Variants in IL26 observed in about 807,000 individuals in gnomAD.
The protein encoded by IL26 is interleukin 26, also known as interleukin-26.
A neutral mutation model predicts 21.7 loss-of-function variants in IL26; 23 were observed. That is an observed-to-expected ratio of 1.06 (90% CI 0.76 to 1.50). The LOEUF (loss-of-function observed/expected upper bound fraction) is 1.50. Ranked by LOEUF, IL26 falls within the 40% of genes most tolerant of loss-of-function variation. The pLI is 0.00. For missense variants in IL26, 204 were observed against 196.0 expected (o/e 1.04, Z -0.24); for synonymous variants, 63 against 67.8 (o/e 0.93, Z 0.34).
intron 3 of IL26, among the ~76,000 whole-genome samples, chr12:68,209,515 G>A (rs570640176): frequency 1.3e-5 from 2 of 152,286 alleles, no homozygotes; most frequent in African/African-American, 2.4e-5. Flanking sequence ...CAGAGGCCAC[G>A]AGGGGTTTTA....
chr12:68,217,537 C>G (rs1253964722), intron 3 of IL26, among the ~76,000 whole-genome samples: 3 of 152,010 alleles, frequency 2.0e-5, no homozygotes, highest in East Asian at 3.9e-4. Flanking sequence ...TCAGAACATC[C>G]AAATAGGAGT....
At chr12:68,224,777 GAA>G (rs1311502136) in intron 3 of IL26, among the ~76,000 whole-genome samples, 2 of 134,278 alleles carry the variant, frequency 1.5e-5, no homozygotes, top group Non-Finnish European at 3.6e-5. Flanking sequence ...GGAAGGGAGA[GAA>G]AGAGAGACTT....
rs751294338 is a variant in IL26, at chr12:68,225,790, A to G, written c.-34T>C. 1 of 1,608,402 alleles carries G rather than the reference A, an allele frequency of 6.2e-7. No homozygotes were observed. The highest frequency in any genetic ancestry group is 8.5e-7 in the Non-Finnish European group (1 of 1,176,546). On this transcript the variant is annotated 5_prime_UTR_variant, in exon 1 of 5. Transcript: ENST00000229134. Reference sequence around the variant, plus strand: ...ACCCCACTCAGCGTGTGTCACTCACAGCAGCCCAAGAGATACTAATGCCGG... The same window carrying G: ...ACCCCACTCAGCGTGTGTCACTCACGGCAGCCCAAGAGATACTAATGCCGG...
intron 3 of IL26, among the ~76,000 whole-genome samples, chr12:68,202,473 T>C (rs576235944): frequency 4.3e-4 from 65 of 152,106 alleles, no homozygotes; most frequent in Admixed American, 1.2e-3. Context: ...AGAAAAGAAG[T>C]TTAATTGACT....
intron 3 of IL26, among the ~76,000 whole-genome samples, chr12:68,220,764 G>A (rs763625418): frequency 1.3e-5 from 2 of 152,210 alleles, no homozygotes; most frequent in Non-Finnish European, 2.9e-5. Flanking sequence ...AGTCTCCCGA[G>A]TAGCTGGGAC....
At chr12:68,223,144 G>C (rs778862020) in intron 3 of IL26, among the ~76,000 whole-genome samples, 2 of 152,066 alleles carry the variant, frequency 1.3e-5, no homozygotes, top group Non-Finnish European at 2.9e-5. Context: ...CAATCCTGCC[G>C]CTTTATGTTT....
Position 68,225,650 on chromosome 12 carries a change from C to T in IL26, c.107G>A (p.Gly36Glu), listed in dbSNP as rs1869224202. 1.2e-6 allele frequency: 2 copies of T among 1,613,976 alleles called. No individual in the cohort carries two copies. The highest frequency in any genetic ancestry group is 4.5e-5 in the East Asian group (2 of 44,878). ...SSFTKSCYPR[G>E]TLSQAVDALY... ...AGCGTCAACAGCTTGGGACAATGTT[C>T]CCCTTGGGTAACAACTTTTGGTGAA... The change falls in exon 1 of 5, where the codon GGA (glycine) becomes GAA (glutamate). Residue 36 changes from glycine (G) to glutamate (E), a missense_variant. Gly to Glu is a moderately conservative substitution (Grantham distance 98). Transcript: ENST00000229134.
intron 3 of IL26, among the ~76,000 whole-genome samples, chr12:68,205,117 T>A (rs539294401): frequency 6.6e-6 from 1 of 152,316 alleles, no homozygotes; most frequent in South Asian, 2.1e-4. Context: ...AAATGTGAGA[T>A]AATCATGTCA....
chr12:68,224,570 ATTATTG>A (rs773986429), intron 3 of IL26, among the ~76,000 whole-genome samples: 26 of 150,668 alleles, frequency 1.7e-4, no homozygotes, highest in Non-Finnish European at 3.2e-4. Flanking sequence ...TCAGTTAGTT[ATTATTG>A]TTATGGGAAA....
At chr12:68,215,217 C>T (rs959735125) in intron 3 of IL26, among the ~76,000 whole-genome samples, 4 of 152,144 alleles carry the variant, frequency 2.6e-5, no homozygotes, top group African/African-American at 4.8e-5. Flanking sequence ...AGGTATCCTA[C>T]CCAGGAGCTC....
chr12:68,225,126 C>T (rs377625824), intron 3 of IL26, 23 bp downstream of exon 3: 2 of 1,574,566 alleles, frequency 1.3e-6, no homozygotes, highest in African/African-American at 2.7e-5. Flanking sequence ...ATCAAATGCA[C>T]AGTATTTGTT....
In IL26 at chr12:68,205,309, A is replaced by G. The variant is rs955900550; in HGVS notation, c.364-3226T>C. 8.7e-5 allele frequency among the ~76,000 whole-genome samples: 11 copies of G among 126,384 alleles called. No individual in the cohort carries two copies. In the South Asian group the frequency reaches 3.0e-3, roughly 34 times the overall value. The allele number at this position is 126,384 out of a possible 152,430, so 82.9% of individuals were successfully genotyped here. A position where few individuals can be genotyped will look rare whatever the true frequency, so the allele number is the denominator to read the frequency against. On this transcript the variant is annotated intron_variant, in intron 3 of 4. Transcript: ENST00000229134. ...GACCCCCCGCCCCACCAATGAAGTT[A>G]AAAACCTGCGTAAAACATTAGACCC...
At chr12:68,206,294 T>A (rs11570953) in intron 3 of IL26, among the ~76,000 whole-genome samples, 14,663 of 152,222 alleles carry the variant, frequency 0.096, 1,289 homozygotes, top group African/African-American at 0.23. Context: ...TTTTGTAGAA[T>A]ACCACATGTA....
chr12:68,223,883 G>GTTTTTTTTTTTTTTTTTTTTT (rs201652400), intron 3 of IL26, among the ~76,000 whole-genome samples: 3 of 81,888 alleles, frequency 3.7e-5, no homozygotes, highest in Non-Finnish European at 6.3e-5. Context: ...TAAATTTGGT[G>GTTTTTTTTTTTTTTTTTTTTT]GTTTTTTTTT....
At chr12:68,221,389 C>A (rs1340866971) in intron 3 of IL26, among the ~76,000 whole-genome samples, 1 of 152,048 alleles carries the variant, frequency 6.6e-6, no homozygotes, top group African/African-American at 2.4e-5. Flanking sequence ...CAAATCCATA[C>A]CCTCAAAATG....
intron 3 of IL26, among the ~76,000 whole-genome samples, 181 bp from the exon 4 acceptor site, chr12:68,202,264 T>C (rs1319159855): frequency 6.6e-6 from 1 of 151,812 alleles, no homozygotes; most frequent in East Asian, 1.9e-4. Context: ...GGAAAGCAGA[T>C]GACAAATAAA....
chr12:68,211,763 A>G (rs1868736917), intron 3 of IL26, among the ~76,000 whole-genome samples: 1 of 152,096 alleles, frequency 6.6e-6, no homozygotes, highest in Admixed American at 6.5e-5. Flanking sequence ...TGAGTTCCTC[A>G]TATATTCTGA....
intron 3 of IL26, among the ~76,000 whole-genome samples, chr12:68,202,693 G>T (rs1020746910): frequency 4.6e-5 from 7 of 152,158 alleles, no homozygotes; most frequent in South Asian, 4.1e-4. Flanking sequence ...CCTCCCGTCA[G>T]GTCCCTCCCT....
At chr12:68,215,366 G>GTTACTA (rs1374079200) in intron 3 of IL26, among the ~76,000 whole-genome samples, 2 of 152,080 alleles carry the variant, frequency 1.3e-5, no homozygotes, top group Non-Finnish European at 2.9e-5. Context: ...TTCCAATTCT[G>GTTACTA]TTACTATCTG....
Sources: allele counts gnomAD v4.1 joint callset (sites outside exome capture counted in the v4.1 genomes callset), GRCh38; gene constraint gnomAD v4.1.1; transcripts MANE v1.5; gene names NCBI Gene and HGNC (gene_info 2026-07-23, HGNC 2026-07-21).